The following HAPLN1 variants were observed in gnomAD, a reference collection of about 807,000 sequenced individuals.
The protein encoded by HAPLN1 is hyaluronan and proteoglycan link protein 1.
In HAPLN1, 13 loss-of-function variants were observed where a neutral mutation model predicts 36.5. That is an observed-to-expected ratio of 0.36 (90% confidence interval 0.23 to 0.57). The LOEUF is 0.57. Among genes scored for constraint, HAPLN1 ranks in the 20% least tolerant of loss-of-function variants. The pLI is 0.83. For synonymous variants in HAPLN1, 202 were observed against 169.8 expected, an observed-to-expected ratio of 1.19 and a Z score of -1.48; for missense variants, 407 against 439.7, an observed-to-expected ratio of 0.93 and a Z score of 0.66.
chr5:83,668,988 A>G (rs1431301719), intron 2 of HAPLN1, among the ~76,000 whole-genome samples: 2 of 152,226 alleles, frequency 1.3e-5, no homozygotes, highest in African/African-American at 2.4e-5. Flanking sequence ...CTTATTAAGT[A>G]AATCTACTTG....
chr5:83,680,847 A>G lies in HAPLN1; in HGVS notation c.-26-7298T>C, dbSNP rs553296852. 2.6e-5 allele frequency among the ~76,000 whole-genome samples: 4 copies of G among 152,290 alleles called. No homozygotes were observed. The East Asian group carries it at 7.7e-4, about 29-fold the overall frequency. ...TCATTATACACAAAGATCATCAAAA[A>G]TAAAATCACCTCATGAACAATTATT... On this transcript the variant is annotated intron_variant, in intron 1 of 4. Transcript: ENST00000274341.
At position 83,652,645 on chromosome 5, in the gene HAPLN1, C is replaced by T. The variant is rs1473527222; in HGVS notation, c.280G>A (p.Val94Ile). The T allele has an allele frequency of 5.6e-6, 9 of 1,614,028 alleles. No individual in the cohort carries two copies. The South Asian group carries it at 8.8e-5, about 16-fold the overall frequency. Residue 94 changes from valine to isoleucine, a missense_variant, in exon 3 of 5, where the codon GTT becomes ATT. Val to Ile is a conservative substitution (Grantham distance 29, BLOSUM62 3). Transcript: ENST00000274341. ...LTSDYLKEVD[V>I]FVSMGYHKKT... ...TTGTGGTATCCCATGGAAACAAAAACATCCACTTCCTTGAGGTAATCCGAA... is the reference window on the plus strand; with the variant it reads ...TTGTGGTATCCCATGGAAACAAAAATATCCACTTCCTTGAGGTAATCCGAA...
At chr5:83,705,797 G>T (rs758083060) in intron 1 of HAPLN1, among the ~76,000 whole-genome samples, 1 of 151,794 alleles carries the variant, frequency 6.6e-6, no homozygotes, top group African/African-American at 2.4e-5. Flanking sequence ...TTGGTTTTTT[G>T]AAAAAATTAA....
At chr5:83,663,784 C>A (rs1231737717) in intron 2 of HAPLN1, among the ~76,000 whole-genome samples, 1 of 150,926 alleles carries the variant, frequency 6.6e-6, no homozygotes, top group Non-Finnish European at 1.5e-5. Context: ...GTAATTGCTG[C>A]CATTTCTTCC....
chr5:83,689,038 T>C (rs1751209716), intron 1 of HAPLN1, among the ~76,000 whole-genome samples: 1 of 152,336 alleles, frequency 6.6e-6, no homozygotes, highest in Non-Finnish European at 1.5e-5. Flanking sequence ...AAATTCCATT[T>C]AGAATGAACT....
intron 2 of HAPLN1, among the ~76,000 whole-genome samples, chr5:83,664,056 T>C (rs1437908601): frequency 6.6e-6 from 1 of 152,214 alleles, no homozygotes; most frequent in Non-Finnish European, 1.5e-5. Flanking sequence ...AACTCTGAAC[T>C]CTGGACCACT....
intron 1 of HAPLN1, among the ~76,000 whole-genome samples, chr5:83,699,832 T>A (rs1751467281): frequency 6.6e-6 from 1 of 152,232 alleles, no homozygotes; most frequent in Non-Finnish European, 1.5e-5. Context: ...AATAGGAGCA[T>A]GAAGCAAACA....
chr5:83,691,697 G>T (rs984934976), intron 1 of HAPLN1, among the ~76,000 whole-genome samples: 1 of 151,622 alleles, frequency 6.6e-6, no homozygotes, highest in East Asian at 1.9e-4. Flanking sequence ...TAAAACATAC[G>T]GAATCCAACA....
At chr5:83,657,825 C>T (rs1257457198) in intron 2 of HAPLN1, among the ~76,000 whole-genome samples, 3 of 150,276 alleles carry the variant, frequency 2.0e-5, no homozygotes, top group African/African-American at 7.3e-5. Context: ...AAAAACCCAA[C>T]TGGGGAATGT....
chr5:83,708,799 T>G (rs1751708689), intron 1 of HAPLN1, among the ~76,000 whole-genome samples: 1 of 151,600 alleles, frequency 6.6e-6, no homozygotes, highest in Non-Finnish European at 1.5e-5. Context: ...ATTTACACTT[T>G]GAAACAGCAG....
intron 1 of HAPLN1, among the ~76,000 whole-genome samples, chr5:83,676,194 ATACAGAGATACG>A (rs1750856840): frequency 1.1e-5 from 1 of 88,306 alleles, no homozygotes; most frequent in Admixed American, 1.1e-4. Flanking sequence ...ACGCACACAT[ATACAGAGATACG>A]CACACATACA....
intron 2 of HAPLN1, among the ~76,000 whole-genome samples, chr5:83,663,085 G>A (rs754415336): frequency 5.9e-5 from 9 of 152,196 alleles, no homozygotes; most frequent in Non-Finnish European, 1.2e-4. Context: ...AGTGAAGAGA[G>A]CACCTGGACA....
At position 83,640,251 on chromosome 5, in the gene HAPLN1, A is replaced by C. The variant is rs574690106; in HGVS notation, c.*1245T>G. The C allele has an allele frequency of 7.0e-6, 1 of 143,726 alleles. No individual in the cohort carries two copies. Among genetic ancestry groups the C allele is most frequent in the African/African-American group, 2.4e-5 (1 of 40,868 alleles). The allele number at this position is 143,726 out of a possible 1,614,324, so 8.9% of individuals were successfully genotyped here. The stretch of plus-strand genomic sequence containing the variant: ...TGCTAATGTGGAAAATTGTGTTTGG[A>C]AGCTGGACTTAACCTTTTATTTAAA... On this transcript the variant is annotated 3_prime_UTR_variant, in exon 5 of 5. Coordinates refer to ENST00000274341, the MANE Select transcript of HAPLN1 (RefSeq NM_001884.4).
At chr5:83,656,659 T>A (rs1226549275) in intron 2 of HAPLN1, among the ~76,000 whole-genome samples, 1 of 152,054 alleles carries the variant, frequency 6.6e-6, no homozygotes, top group Non-Finnish European at 1.5e-5. Flanking sequence ...GTAAATAAAT[T>A]CCCCATTTCC....
chr5:83,676,480 C>T (rs1430038002), intron 1 of HAPLN1, among the ~76,000 whole-genome samples: 1 of 152,136 alleles, frequency 6.6e-6, no homozygotes, highest in Non-Finnish European at 1.5e-5. Context: ...TCACAGTCTT[C>T]AGGTGTCTGA....
intron 1 of HAPLN1, chr5:83,682,521 A>C (rs2112610080): frequency 6.6e-6 from 1 of 152,314 alleles, no homozygotes; most frequent in African/African-American, 2.4e-5. Flanking sequence ...TGTTCTCTCC[A>C]ATGCACTTCA....
intron 1 of HAPLN1, among the ~76,000 whole-genome samples, chr5:83,676,552 G>A (rs1750865671): frequency 6.6e-6 from 1 of 152,216 alleles, no homozygotes. Context: ...GTCAAGGGCT[G>A]TGCCACGGGT....
Position 83,652,507 on chromosome 5 carries a change from C to G in HAPLN1, c.418G>C (p.Glu140Gln). 6.2e-7 allele frequency: 1 copy of G among 1,614,158 alleles called. No homozygotes were observed. The change falls in exon 3 of 5, where the codon GAG (glutamate) becomes CAG (glutamine). Residue 140 changes from glutamate to glutamine, a missense_variant. Transcript: ENST00000274341. Reference protein sequence around the residue: ...TLEDYGRYKCEVIEGLEDDTV... With the variant: ...TLEDYGRYKCQVIEGLEDDTV... ...TCATCTTCTAATCCTTCAATCACCT[C>G]ACACTTATATCTCCCATAATCTTCC... is the stretch of plus-strand genomic sequence containing the variant.
intron 1 of HAPLN1, among the ~76,000 whole-genome samples, chr5:83,676,233 TAC>T (rs1750858359): frequency 1.1e-5 from 1 of 93,910 alleles, no homozygotes; most frequent in East Asian, 2.8e-4. Flanking sequence ...TACGCACACA[TAC>T]ACAGAGATAC....
Sources: gnomAD v4.1 joint callset for allele counts (sites outside exome capture counted in the v4.1 genomes callset) on GRCh38, gnomAD v4.1.1 for gene constraint, MANE v1.5 for transcripts, NCBI Gene and HGNC (gene_info 2026-07-23, HGNC 2026-07-21) for gene names.